Variants in SLC25A36 observed in about 807,000 individuals in gnomAD.
The protein encoded by SLC25A36 is solute carrier family 25 member 36, also known as epididymis secretory sperm binding protein.
In SLC25A36, 24 loss-of-function variants were observed where a neutral mutation model predicts 35.3. The observed-to-expected ratio is 0.68, with a 90% CI of 0.49 to 0.96. The LOEUF (loss-of-function observed/expected upper bound fraction) is 0.96. SLC25A36 is among the 40% of genes least tolerant of loss of function. The pLI, the probability that SLC25A36 is intolerant of heterozygous loss-of-function variation, is 0.00. For missense variants in SLC25A36, 294 were observed against 381.1 expected, an observed-to-expected ratio of 0.77 and a Z score of 1.90; for synonymous variants, 141 against 132.2, an observed-to-expected ratio of 1.07 and a Z score of -0.46.
At chr3:140,948,385 C>T (rs1036279284) in intron 1 of SLC25A36, among the ~76,000 whole-genome samples, 2 of 150,762 alleles carry the variant, frequency 1.3e-5, no homozygotes, top group African/African-American at 4.9e-5. Context: ...GATTTCACTG[C>T]GTTAGCCAGG....
chr3:140,946,310 A>G (rs1322438492), intron 1 of SLC25A36, among the ~76,000 whole-genome samples: 1 of 152,188 alleles, frequency 6.6e-6, no homozygotes, highest in African/African-American at 2.4e-5. Context: ...ATACAAAAGG[A>G]ACTAGCCCCA....
intron 1 of SLC25A36, 101 bp from the exon 2 acceptor site, chr3:140,956,426 T>G: frequency 7.8e-7 from 1 of 1,282,874 alleles, no homozygotes; most frequent in South Asian, 2.7e-5. Flanking sequence ...TTTAGTATGT[T>G]GGCAAAGCTC....
At position 140,959,520 on chromosome 3, in the gene SLC25A36, A is replaced by G. The variant is rs774786442; in HGVS notation, c.264A>G (p.Leu88=). 6.7e-7 allele frequency: 1 copy of G among 1,492,538 alleles called. No individual in the cohort carries two copies. Among genetic ancestry groups the G allele is most frequent in the South Asian group, 1.4e-5 (1 of 70,308 alleles). 92.5% of individuals were successfully genotyped at this position (1,492,538 alleles called of 1,614,324 possible). Reference sequence around the variant, plus strand: ...TGTTTAGAGGACTAGGCCCCAATTTAGTGGGGGTAGCCCCTTCCAGGTAAA... The same window carrying G: ...TGTTTAGAGGACTAGGCCCCAATTTGGTGGGGGTAGCCCCTTCCAGGTAAA... The part of the protein sequence containing the change: ...RSLFRGLGPN[L]VGVAPSRAIY... Residue 88 remains leucine (L), a synonymous_variant, in exon 3 of 7, where the codon TTA becomes TTG. Transcript: ENST00000324194.
At chr3:140,955,582 G>T (rs1411550022) in intron 1 of SLC25A36, among the ~76,000 whole-genome samples, 1 of 152,104 alleles carries the variant, frequency 6.6e-6, no homozygotes, top group Non-Finnish European at 1.5e-5. Context: ...TGTTATTATT[G>T]TTCTGGTGAT....
intron 6 of SLC25A36, 55 bp from the exon 7 acceptor site, chr3:140,976,205 A>G (rs1366314394): frequency 8.4e-7 from 1 of 1,193,618 alleles, no homozygotes; most frequent in Non-Finnish European, 1.2e-6. Flanking sequence ...CTCAGTTATA[A>G]TTAGAAGAGT....
In SLC25A36 at chr3:140,973,994, C is replaced by CATATCCACATGGTAAGA. The variant is rs1438742163; in HGVS notation, c.733_742+7dup. 1 of 1,550,356 alleles carries CATATCCACATGGTAAGA rather than the reference C, an allele frequency of 6.5e-7. No homozygotes were observed. The highest frequency in any genetic ancestry group is 8.7e-7 in the Non-Finnish European group (1 of 1,143,160). On this transcript the variant is annotated frameshift_variant, in exon 6 of 7. Transcript: ENST00000324194. LOFTEE classifies it high-confidence loss of function. The stretch of plus-strand genomic sequence containing the variant: ...TCAAAAACTTGTGCCACAACTATAG[C>CATATCCACATGGTAAGA]ATATCCACATGGTAAGAAGAGTTAT...
chr3:140,966,582 C>G (rs1934766350), intron 4 of SLC25A36: 1 of 190,738 alleles, frequency 5.2e-6, no homozygotes, highest in African/African-American at 2.4e-5. Flanking sequence ...GTGTTTTCAT[C>G]TCCTTAATTA....
Position 140,973,988 on chromosome 3 carries a change from C to G in SLC25A36, c.725C>G (p.Thr242Ser), listed in dbSNP as rs774572979. ...GCCACCTCAAAAACTTGTGCCACAA[C>G]TATAGCATATCCACATGGTAAGAAG... ...AAATSKTCAT[T>S]IAYPHEVVRT... is the part of the protein sequence containing the mutation. The change falls in exon 6 of 7, where the codon ACT (threonine) becomes AGT (serine). Residue 242 changes from threonine to serine, a missense_variant. By Grantham distance (58) the Thr-to-Ser change is moderately conservative. Transcript: ENST00000324194. The G allele has an allele frequency of 6.4e-7, 1 of 1,564,014 alleles. No individual in the cohort carries two copies. Among genetic ancestry groups the G allele is most frequent in the East Asian group, 2.3e-5 (1 of 44,126 alleles).
rs61229784 is a variant in SLC25A36 at position 140,967,854 on chromosome 3, C to T, written c.386-3073C>T. 8.3e-4 allele frequency: 325 copies of T among 391,148 alleles called. 2 individuals are homozygous for T. The highest frequency in any genetic ancestry group is 6.5e-3 in the African/African-American group (299 of 45,752). The allele number at this position is 391,148 out of a possible 1,614,324, so 24.2% of individuals were successfully genotyped here. A position where few individuals can be genotyped will look rare whatever the true frequency, so the allele number is the denominator to read the frequency against. ...TGACTGTGGAGCAATATTAGTTCTT[C>T]TTAACTTACAAATGGATCCCTCATG... On this transcript the variant is annotated intron_variant, in intron 4 of 6. Coordinates refer to ENST00000324194, the MANE Select transcript of SLC25A36 (RefSeq NM_001104647.3).
In SLC25A36 at chr3:140,977,875, G is replaced by A. The variant is rs145204732; in HGVS notation, c.*1422G>A. Reference sequence around the variant, plus strand: ...GAATGACGCTTCGTGAAAGCACTTTGTGGCCTTTTTTGGGGGGGAGGGTGA... The same window carrying A: ...GAATGACGCTTCGTGAAAGCACTTTATGGCCTTTTTTGGGGGGGAGGGTGA... On this transcript the variant is annotated 3_prime_UTR_variant, in exon 7 of 7. Coordinates refer to ENST00000324194, the MANE Select transcript of SLC25A36 (RefSeq NM_001104647.3). 6.6e-6 allele frequency: 1 copy of A among 151,688 alleles called. No individual in the cohort carries two copies. Among genetic ancestry groups the A allele is most frequent in the East Asian group, 1.9e-4 (1 of 5,164 alleles). The allele number at this position is 151,688 out of a possible 1,614,324, so 9.4% of individuals were successfully genotyped here. A position where few individuals can be genotyped will look rare whatever the true frequency, so the allele number is the denominator to read the frequency against.
At chr3:140,945,739 TA>T (rs59896675) in intron 1 of SLC25A36, among the ~76,000 whole-genome samples, 2,459 of 127,572 alleles carry the variant, frequency 0.019, 33 homozygotes, top group African/African-American at 0.037. Flanking sequence ...TACTTGCAAT[TA>T]AAAAAAAAAA....
chr3:140,967,982 A>G (rs1559815954), intron 4 of SLC25A36: 1 of 984,958 alleles, frequency 1.0e-6, no homozygotes, highest in Non-Finnish European at 1.2e-6. Flanking sequence ...ATAAAAAGTA[A>G]TAGGCAATTT....
intron 1 of SLC25A36, among the ~76,000 whole-genome samples, chr3:140,951,869 T>G (rs1262418055): frequency 1.3e-5 from 2 of 152,134 alleles, no homozygotes; most frequent in African/African-American, 2.4e-5. Context: ...GGTCTCACTC[T>G]TTGGCCTAGG....
At chr3:140,959,622 T>TA (rs1934579720) in intron 3 of SLC25A36, 82 bp downstream of exon 3, 3 of 567,436 alleles carry the variant, frequency 5.3e-6, no homozygotes, top group Non-Finnish European at 8.8e-6. Context: ...CATTTATAGA[T>TA]ACAGTTAAAT....
chr3:140,962,115 T>C (rs1476176075), intron 3 of SLC25A36, among the ~76,000 whole-genome samples: 1 of 152,166 alleles, frequency 6.6e-6, no homozygotes, highest in East Asian at 1.9e-4. Context: ...CTTTTTTTCT[T>C]ACCAGTTTCT....
intron 1 of SLC25A36, chr3:140,942,398 G>A (rs1177883767): frequency 7.1e-6 from 2 of 280,380 alleles, no homozygotes; most frequent in Non-Finnish European, 1.3e-5. Flanking sequence ...CCGCGGGGCC[G>A]GGGTGAGGCG....
In SLC25A36 at chr3:140,973,863, A is replaced by G; in HGVS notation, c.600A>G (p.Ile200Met). 2 of 1,613,614 alleles carry G rather than the reference A, an allele frequency of 1.2e-6. No homozygotes were observed. The highest frequency in any genetic ancestry group is 8.5e-7 in the Non-Finnish European group (1 of 1,179,726). The change falls in exon 6 of 7, where the codon ATA becomes ATG. Residue 200 changes from isoleucine (I) to methionine (M), a missense_variant. Coordinates refer to ENST00000324194, the MANE Select transcript of SLC25A36 (RefSeq NM_001104647.3). Reference sequence around the variant, plus strand: ...TCCATTTTGTTATTTATGAAAGTATAAAACAAAAACTACTGGAATATAAGA... The same window carrying G: ...TCCATTTTGTTATTTATGAAAGTATGAAACAAAAACTACTGGAATATAAGA... ...TVIHFVIYES[I>M]KQKLLEYKTA...
intron 6 of SLC25A36, among the ~76,000 whole-genome samples, chr3:140,975,125 TTTGATAG>T (rs1935008659): frequency 8.2e-6 from 1 of 122,564 alleles, no homozygotes; most frequent in African/African-American, 3.9e-5. Context: ...TTTTTTTTTT[TTTGATAG>T]GATCTCACTG....
intron 1 of SLC25A36, among the ~76,000 whole-genome samples, chr3:140,946,658 C>T (rs911722899): frequency 1.3e-5 from 2 of 151,970 alleles, no homozygotes; most frequent in Admixed American, 1.3e-4. Context: ...AGAAGAAGAG[C>T]GAAGAATAAC....
Sources: allele counts gnomAD v4.1 joint callset (sites outside exome capture counted in the v4.1 genomes callset), GRCh38; gene constraint gnomAD v4.1.1; transcripts MANE v1.5; gene names NCBI Gene and HGNC (gene_info 2026-07-23, HGNC 2026-07-21).